TTLL7: variants seen among roughly 807,000 people sequenced by gnomAD.
TTLL7 encodes tubulin polyglutamylase TTLL7.
A neutral mutation model predicts 120.2 loss-of-function variants in TTLL7; 53 were observed. That is an observed-to-expected ratio of 0.44 (90% CI 0.35 to 0.55). TTLL7 has a LOEUF of 0.55. Ranked by LOEUF, TTLL7 falls within the 20% of genes least tolerant of loss-of-function variation. TTLL7 has a pLI of 0.00. For missense variants in TTLL7, 803 were observed against 1,054.7 expected (o/e 0.76, Z 3.31); for synonymous variants, 353 against 351.7 (o/e 1.00, Z -0.04).
At chr1:83,882,245 A>G (rs1002418291) in intron 20 of TTLL7, among the ~76,000 whole-genome samples, 2 of 150,020 alleles carry the variant, frequency 1.3e-5, no homozygotes, top group African/African-American at 4.9e-5. Flanking sequence ...TAATAATAAT[A>G]AAATAAAAAT....
intron 8 of TTLL7, among the ~76,000 whole-genome samples, chr1:83,936,012 G>C (rs1281660715): frequency 6.6e-6 from 1 of 152,108 alleles, no homozygotes; most frequent in Admixed American, 6.6e-5. Flanking sequence ...ACATAGCCAA[G>C]AATGATGCAA....
chr1:83,933,584 CT>C (rs1557675991), intron 9 of TTLL7, 23 bp downstream of exon 9: 2 of 1,605,084 alleles, frequency 1.2e-6, no homozygotes, highest in East Asian at 2.2e-5. Context: ...GATAACTCTT[CT>C]TTTTTCTTAA....
At chr1:83,892,944 A>AAGAAAGAAAGAC (rs1655885403) in intron 18 of TTLL7, among the ~76,000 whole-genome samples, 1 of 110,566 alleles carries the variant, frequency 9.0e-6, no homozygotes, top group Non-Finnish European at 1.7e-5. Context: ...GAAAGAAAGA[A>AAGAAAGAAAGAC]AGAAAGAAAA....
intron 18 of TTLL7, among the ~76,000 whole-genome samples, chr1:83,897,775 T>G (rs1431312121): frequency 1.3e-5 from 2 of 151,604 alleles, no homozygotes; most frequent in Non-Finnish European, 2.9e-5. Context: ...TCCCTTGCAT[T>G]CACTGGAGTC....
intron 10 of TTLL7, 104 bp from the exon 11 acceptor site, chr1:83,921,498 C>A: frequency 8.0e-7 from 1 of 1,252,868 alleles, no homozygotes; most frequent in South Asian, 1.5e-5. Context: ...AGCTCAGAAT[C>A]AATGTTTATT....
At chr1:83,954,481 A>G (rs1482449425) in intron 1 of TTLL7, among the ~76,000 whole-genome samples, 1 of 152,208 alleles carries the variant, frequency 6.6e-6, no homozygotes, top group Non-Finnish European at 1.5e-5. Context: ...CCCACCACTC[A>G]TTTGAAACCA....
chr1:83,902,557 G>T (rs1488206504), intron 18 of TTLL7, among the ~76,000 whole-genome samples: 1 of 151,784 alleles, frequency 6.6e-6, no homozygotes, highest in Non-Finnish European at 1.5e-5. Flanking sequence ...TTCTTTTCTT[G>T]GCTTCAAGGA....
At chr1:83,927,816 A>G (rs1466398470) in intron 10 of TTLL7, among the ~76,000 whole-genome samples, 1 of 152,190 alleles carries the variant, frequency 6.6e-6, no homozygotes, top group Admixed American at 6.5e-5. Flanking sequence ...GAATTTTCCC[A>G]GTGTTCTTAG....
intron 16 of TTLL7, 113 bp from the exon 17 acceptor site, chr1:83,906,576 A>G: frequency 2.0e-6 from 3 of 1,494,178 alleles, no homozygotes; most frequent in Non-Finnish European, 2.7e-6. Flanking sequence ...AAACAATAAC[A>G]ATGAAAAAGG....
At chr1:83,957,229 T>C (rs1175732356) in intron 1 of TTLL7, among the ~76,000 whole-genome samples, 2 of 152,154 alleles carry the variant, frequency 1.3e-5, no homozygotes, top group East Asian at 3.8e-4. Context: ...GAAGACAAAC[T>C]TCTTTTATGT....
intron 18 of TTLL7, among the ~76,000 whole-genome samples, chr1:83,892,963 G>GAAAGAAAGAAAGAAGAATA: frequency 8.5e-6 from 1 of 117,792 alleles, no homozygotes; most frequent in Non-Finnish European, 1.9e-5. Context: ...AAGAATAAAA[G>GAAAGAAAGAAAGAAGAATA]AAAGAAAGAG....
At chr1:83,966,733 T>TA (rs1650495535) in intron 1 of TTLL7, among the ~76,000 whole-genome samples, 1 of 152,130 alleles carries the variant, frequency 6.6e-6, no homozygotes, top group African/African-American at 2.4e-5. Context: ...TTTTAACATT[T>TA]AAAAACCTAT....
At chr1:83,870,231 A>G in intron 20 of TTLL7, 149 bp from the exon 21 acceptor site, 1 of 702,126 alleles carries the variant, frequency 1.4e-6, no homozygotes, top group Non-Finnish European at 2.1e-6. Flanking sequence ...CCTCCTCCAG[A>G]CTGTAGGAAA....
At chr1:83,892,932 A>AAGAAAGAAAAG (rs1257711009) in intron 18 of TTLL7, among the ~76,000 whole-genome samples, 1 of 114,130 alleles carries the variant, frequency 8.8e-6, no homozygotes. Flanking sequence ...GAAAAAGAGA[A>AAGAAAGAAAAG]AGAAAGAAAG....
chr1:83,924,733 G>T (rs946469110), intron 10 of TTLL7, among the ~76,000 whole-genome samples: 4 of 152,062 alleles, frequency 2.6e-5, no homozygotes, highest in African/African-American at 9.7e-5. Flanking sequence ...TATGTTAAGG[G>T]TATTTTACCA....
chr1:83,870,416 C>T (rs1316414865), intron 20 of TTLL7, among the ~76,000 whole-genome samples: 2 of 152,056 alleles, frequency 1.3e-5, no homozygotes, highest in Non-Finnish European at 1.5e-5. Context: ...CTTTAAAACA[C>T]GTGATTTGAG....
intron 1 of TTLL7, among the ~76,000 whole-genome samples, chr1:83,971,748 G>A (rs1651008164): frequency 6.6e-6 from 1 of 151,866 alleles, no homozygotes; most frequent in African/African-American, 2.4e-5. Context: ...TGCTTCTAAC[G>A]TTTTGATGCC....
intron 1 of TTLL7, chr1:83,980,486 C>T (rs1651857579): frequency 6.6e-6 from 1 of 151,690 alleles, no homozygotes; most frequent in African/African-American, 2.4e-5. Context: ...CCAGGCTTTT[C>T]TCTTTCAAGT....
At chr1:83,922,096 C>T (rs949670126) in intron 10 of TTLL7, among the ~76,000 whole-genome samples, 9 of 152,074 alleles carry the variant, frequency 5.9e-5, no homozygotes, top group African/African-American at 2.2e-4. Context: ...TCTCTCCAAC[C>T]CCTTCAACTT....
Sources: allele counts gnomAD v4.1 joint callset (sites outside exome capture counted in the v4.1 genomes callset), GRCh38; gene constraint gnomAD v4.1.1; transcripts MANE v1.5; gene names NCBI Gene and HGNC (gene_info 2026-07-23, HGNC 2026-07-21).